Variants in PDE4D observed in about 807,000 individuals in gnomAD.
PDE4D encodes 3',5'-cyclic-AMP phosphodiesterase 4D.
In PDE4D, 24 loss-of-function variants were observed where a neutral mutation model predicts 87.4. The observed-to-expected ratio is 0.27, with a 90% CI of 0.20 to 0.39. The LOEUF (loss-of-function observed/expected upper bound fraction) is 0.39, where lower values mean the gene tolerates loss of function less well. Among genes scored for constraint, PDE4D ranks in the 10% least tolerant of loss-of-function variants. The pLI is 1.00. For synonymous variants in PDE4D, 384 were observed against 383.2 expected, an observed-to-expected ratio of 1.00 and a Z score of -0.02; for missense variants, 714 against 1,041.0, an observed-to-expected ratio of 0.69 and a Z score of 4.32.
At chr5:59,248,760 T>C (rs1036095586) in intron 1 of PDE4D, among the ~76,000 whole-genome samples, 1 of 152,136 alleles carries the variant, frequency 6.6e-6, no homozygotes, top group African/African-American at 2.4e-5. Flanking sequence ...TAAAATTTTA[T>C]CTGTGACACA....
chr5:60,315,202 A>T (rs1245030591), intron 1 of PDE4D, among the ~76,000 whole-genome samples: 2 of 152,102 alleles, frequency 1.3e-5, no homozygotes, highest in Admixed American at 6.5e-5. Flanking sequence ...ATGGTATCTC[A>T]TTGTGGTTTT....
rs142549020 is a variant in PDE4D at position 59,422,663 on chromosome 5, G to T, written c.456-206695C>A. 2.0e-5 allele frequency among the ~76,000 whole-genome samples: 3 copies of T among 152,260 alleles called. No individual in the cohort carries two copies. In the East Asian group the frequency reaches 5.8e-4, roughly 29 times the overall value. On this transcript the variant is annotated intron_variant, in intron 1 of 14. Transcript: ENST00000340635. ...TGTCTCTTATTGGATATAGAAATGG[G>T]ACTATCATATAAAGGTCATCAAGAT...
At chr5:59,904,044 C>G (rs1352237497) in intron 3 of PDE4D, among the ~76,000 whole-genome samples, 5 of 152,132 alleles carry the variant, frequency 3.3e-5, no homozygotes, top group African/African-American at 1.2e-4. Context: ...TAGGACTTTG[C>G]AGAAATTACA....
At chr5:58,982,959 A>ATTTC (rs1745575861) in intron 11 of PDE4D, among the ~76,000 whole-genome samples, 1 of 152,060 alleles carries the variant, frequency 6.6e-6, no homozygotes, top group African/African-American at 2.4e-5. Context: ...TCTTCCCCAA[A>ATTTC]TTTCTTTCTC....
At chr5:59,566,758 C>T (rs1453881714) in intron 1 of PDE4D, among the ~76,000 whole-genome samples, 1 of 151,994 alleles carries the variant, frequency 6.6e-6, no homozygotes, top group Non-Finnish European at 1.5e-5. Context: ...AAGATGATGT[C>T]AGGGTGTGGT....
intron 1 of PDE4D, among the ~76,000 whole-genome samples, chr5:59,344,013 A>C (rs1779213154): frequency 1.3e-5 from 2 of 152,182 alleles, no homozygotes; most frequent in Non-Finnish European, 2.9e-5. Flanking sequence ...ATTTATATTA[A>C]AAGCAAGAAA....
intron 1 of PDE4D, among the ~76,000 whole-genome samples, chr5:59,550,364 T>C (rs1041312940): frequency 6.6e-6 from 1 of 152,140 alleles, no homozygotes; most frequent in Admixed American, 6.6e-5. Context: ...TTTTCACATA[T>C]TCTTAATTTT....
chr5:59,969,192 C>T (rs997947290), intron 3 of PDE4D, among the ~76,000 whole-genome samples: 1 of 152,164 alleles, frequency 6.6e-6, no homozygotes, highest in Non-Finnish European at 1.5e-5. Flanking sequence ...TATCTACCCA[C>T]TTCTCTTCAC....
chr5:60,247,235 G>A (rs1747888201), intron 1 of PDE4D, among the ~76,000 whole-genome samples: 2 of 151,970 alleles, frequency 1.3e-5, no homozygotes, highest in South Asian at 4.2e-4. Context: ...GGCAGCCACA[G>A]TATCAATTCA....
At chr5:60,482,911 G>C (rs140816220) in intron 1 of PDE4D, among the ~76,000 whole-genome samples, 3,793 of 152,092 alleles carry the variant, frequency 0.025, 83 homozygotes, top group Non-Finnish European at 0.041. Context: ...AAAATATATA[G>C]ATGCTTATAA....
At chr5:59,363,770 T>C (rs1424128390) in intron 1 of PDE4D, among the ~76,000 whole-genome samples, 3 of 152,174 alleles carry the variant, frequency 2.0e-5, no homozygotes, top group Non-Finnish European at 4.4e-5. Flanking sequence ...CTGGCTTACC[T>C]GAGATCTTTC....
At chr5:59,586,532 C>T in intron 1 of PDE4D, 1 of 1,418,814 alleles carries the variant, frequency 7.0e-7, no homozygotes, top group Non-Finnish European at 9.2e-7. Flanking sequence ...TCTCCCCCCA[C>T]CAATAAAAAC....
chr5:60,227,264 A>G (rs1745225167), intron 1 of PDE4D, among the ~76,000 whole-genome samples: 1 of 152,056 alleles, frequency 6.6e-6, no homozygotes, highest in African/African-American at 2.4e-5. Context: ...CTAATATATG[A>G]TTGGCATTTG....
chr5:59,090,807 CTTTTTTTTTTT>C (rs61610340), intron 5 of PDE4D, among the ~76,000 whole-genome samples: 1 of 106,024 alleles, frequency 9.4e-6, no homozygotes, highest in South Asian at 3.2e-4. Flanking sequence ...TTTTCTTTTT[CTTTTTTTTTTT>C]TTTTTTTTTG....
At chr5:59,329,859 A>C (rs1226056035) in intron 1 of PDE4D, among the ~76,000 whole-genome samples, 1 of 152,218 alleles carries the variant, frequency 6.6e-6, no homozygotes, top group Non-Finnish European at 1.5e-5. Flanking sequence ...CTATAGTCAA[A>C]ACAGTCTCAA....
intron 1 of PDE4D, among the ~76,000 whole-genome samples, chr5:60,408,996 C>T (rs1248687839): frequency 2.0e-5 from 3 of 152,216 alleles, no homozygotes; most frequent in South Asian, 2.1e-4. Flanking sequence ...TGTGCCAGGT[C>T]CTCTGCCAGC....
chr5:60,292,957 T>C (rs1753024607), intron 1 of PDE4D, among the ~76,000 whole-genome samples: 1 of 152,174 alleles, frequency 6.6e-6, no homozygotes, highest in Non-Finnish European at 1.5e-5. Flanking sequence ...ATCATGTATA[T>C]TGGAGAACTC....
chr5:59,371,801 A>G (rs539547959), intron 1 of PDE4D, among the ~76,000 whole-genome samples: 194 of 152,362 alleles, frequency 1.3e-3, no homozygotes, highest in African/African-American at 4.4e-3. Context: ...AGGCATCTGT[A>G]GTGCTTAGCA....
At chr5:60,171,452 G>T (rs562001554) in intron 2 of PDE4D, among the ~76,000 whole-genome samples, 1 of 152,148 alleles carries the variant, frequency 6.6e-6, no homozygotes, top group Admixed American at 6.5e-5. Context: ...AACAATGAAA[G>T]CTCAATTTAA....
Sources: gnomAD v4.1 joint callset for allele counts (sites outside exome capture counted in the v4.1 genomes callset) on GRCh38, gnomAD v4.1.1 for gene constraint, MANE v1.5 for transcripts, NCBI Gene and HGNC (gene_info 2026-07-23, HGNC 2026-07-21) for gene names.